Variants in RAPGEF4 observed in about 807,000 individuals in gnomAD.
RAPGEF4 encodes Rap guanine nucleotide exchange factor 4.
In RAPGEF4, 66 loss-of-function variants were observed where a neutral mutation model predicts 147.9. That is an observed-to-expected ratio of 0.45 (90% CI 0.37 to 0.55). The LOEUF is 0.55. RAPGEF4 is among the 20% of genes least tolerant of loss of function. The pLI is 0.00. For missense variants in RAPGEF4, 1,071 were observed against 1,257.3 expected (o/e 0.85, Z 2.24); for synonymous variants, 419 against 442.7 (o/e 0.95, Z 0.67).
At chr2:173,034,104 T>TA in intron 27 of RAPGEF4, 140 bp downstream of exon 27, 1 of 727,684 alleles carries the variant, frequency 1.4e-6, no homozygotes, top group Non-Finnish European at 2.2e-6. Context: ...TTAGTGCTGC[T>TA]AAAACAAGCA....
At chr2:173,051,508 T>C in intron 30 of RAPGEF4, 132 bp from the exon 31 acceptor site, 1 of 812,694 alleles carries the variant, frequency 1.2e-6, no homozygotes, top group South Asian at 3.1e-5. Context: ...GTTTCAATGA[T>C]TGTGGTGTGT....
Position 173,026,594 on chromosome 2 carries a change from G to T in RAPGEF4, c.2276G>T (p.Gly759Val). ...DSLTPLPEQE[G>V]PTVGTVGTFE... ...TAGACTCCCTTACCAGAACAGGAAG[G>T]CCCAACTGTTGGAACAGTGGGAACT... Residue 759 changes from glycine (G) to valine (V), a missense_variant, in exon 24 of 31, where the codon GGC (glycine) becomes GTC (valine). By Grantham distance (109) the Gly-to-Val change is moderately radical. Coordinates refer to ENST00000397081, the MANE Select transcript of RAPGEF4 (RefSeq NM_007023.4). The T allele has an allele frequency of 6.8e-6, 11 of 1,613,584 alleles. No homozygotes were observed. Among genetic ancestry groups the T allele is most frequent in the Non-Finnish European group, 9.3e-6 (11 of 1,179,594 alleles).
intron 23 of RAPGEF4, among the ~76,000 whole-genome samples, chr2:173,021,588 A>G (rs1295346266): frequency 6.6e-6 from 1 of 152,176 alleles, no homozygotes; most frequent in African/African-American, 2.4e-5. Context: ...ACTCTGCCTC[A>G]AAAACAAAGA....
At chr2:172,857,527 G>C (rs1693564695) in intron 4 of RAPGEF4, among the ~76,000 whole-genome samples, 1 of 152,158 alleles carries the variant, frequency 6.6e-6, no homozygotes, top group Non-Finnish European at 1.5e-5. Context: ...CTACAAAGTA[G>C]ATCTTTAGTT....
At chr2:172,878,479 G>A (rs1000675032) in intron 4 of RAPGEF4, among the ~76,000 whole-genome samples, 4 of 152,152 alleles carry the variant, frequency 2.6e-5, no homozygotes, top group Non-Finnish European at 4.4e-5. Flanking sequence ...CCAGATTGCA[G>A]TGTGTGATTA....
At chr2:172,906,163 T>C (rs1265919084) in intron 4 of RAPGEF4, among the ~76,000 whole-genome samples, 3 of 152,226 alleles carry the variant, frequency 2.0e-5, no homozygotes, top group African/African-American at 7.2e-5. Flanking sequence ...ATTATGTCAC[T>C]CTTCTAAGCT....
chr2:172,752,322 C>A (rs554225818), intron 1 of RAPGEF4, among the ~76,000 whole-genome samples: 9 of 152,330 alleles, frequency 5.9e-5, no homozygotes, highest in African/African-American at 2.2e-4. Flanking sequence ...CCAACAATTT[C>A]TCATTTGAAG....
intron 2 of RAPGEF4, 30 bp downstream of exon 2, chr2:172,795,197 C>T (rs1256622392): frequency 6.4e-7 from 1 of 1,566,034 alleles, no homozygotes. Flanking sequence ...TAGTATATTT[C>T]CATGTATGGT....
chr2:172,985,871 T>C (rs1223277272), intron 12 of RAPGEF4, among the ~76,000 whole-genome samples: 1 of 152,188 alleles, frequency 6.6e-6, no homozygotes, highest in Non-Finnish European at 1.5e-5. Context: ...AACTAATCGA[T>C]CTCTTGAGGT....
intron 1 of RAPGEF4, among the ~76,000 whole-genome samples, chr2:172,778,444 C>A (rs1684379143): frequency 6.6e-6 from 1 of 152,082 alleles, no homozygotes; most frequent in Non-Finnish European, 1.5e-5. Flanking sequence ...AAATTAAGCA[C>A]CCCCCTCCCC....
rs746105058 is a variant in RAPGEF4, at chr2:173,036,141, A to T, written c.2717A>T (p.His906Leu). Residue 906 changes from histidine to leucine, a missense_variant, in exon 28 of 31, where the codon CAC becomes CTC. Coordinates refer to ENST00000397081, the MANE Select transcript of RAPGEF4 (RefSeq NM_007023.4). ...TCTCCTAAGGACCCTTCAAGGAACC[A>T]CAGGGCCTACAGGCTGACAGTAGCT... ...FESLMDPSRN[H>L]RAYRLTVAKL... 5 of 1,611,954 alleles carry T rather than the reference A, an allele frequency of 3.1e-6. No individual in the cohort carries two copies. The highest frequency in any genetic ancestry group is 4.2e-6 in the Non-Finnish European group (5 of 1,178,312).
intron 3 of RAPGEF4, among the ~76,000 whole-genome samples, chr2:172,807,191 G>T (rs1482266568): frequency 6.6e-6 from 1 of 152,218 alleles, no homozygotes; most frequent in Non-Finnish European, 1.5e-5. Flanking sequence ...CCTGCATCCT[G>T]CATTTAGTTT....
chr2:172,850,599 C>T (rs1559075047), intron 4 of RAPGEF4, among the ~76,000 whole-genome samples: 1 of 150,672 alleles, frequency 6.6e-6, no homozygotes, highest in Non-Finnish European at 1.5e-5. Flanking sequence ...GCCTGGGCCA[C>T]AGAGCGAGAC....
At chr2:172,895,592 C>T (rs975023839) in intron 4 of RAPGEF4, among the ~76,000 whole-genome samples, 4 of 152,140 alleles carry the variant, frequency 2.6e-5, no homozygotes, top group African/African-American at 9.7e-5. Flanking sequence ...ATTTTATATA[C>T]AATATTTTAC....
intron 15 of RAPGEF4, among the ~76,000 whole-genome samples, chr2:172,992,307 A>C (rs1467310628): frequency 6.6e-6 from 1 of 152,256 alleles, no homozygotes; most frequent in African/African-American, 2.4e-5. Flanking sequence ...AAATGTTTTT[A>C]ACAGTTTTCC....
chr2:172,861,547 C>G (rs1056453063), intron 4 of RAPGEF4, among the ~76,000 whole-genome samples: 1 of 152,184 alleles, frequency 6.6e-6, no homozygotes, highest in Non-Finnish European at 1.5e-5. Context: ...AGGTGTTTGA[C>G]TGATGAAATG....
intron 10 of RAPGEF4, 144 bp from the exon 11 acceptor site, chr2:172,983,352 A>G (rs547492125): frequency 1.4e-6 from 2 of 1,434,380 alleles, no homozygotes; most frequent in South Asian, 1.5e-5. Flanking sequence ...TAGGCATTAT[A>G]CTGGTGCAAC....
At chr2:172,768,130 G>A (rs895088414) in intron 1 of RAPGEF4, among the ~76,000 whole-genome samples, 6 of 152,062 alleles carry the variant, frequency 3.9e-5, no homozygotes, top group African/African-American at 7.2e-5. Flanking sequence ...GTTTTGATGC[G>A]TGACTTTTTA....
chr2:172,755,151 TATG>T (rs1446983780), intron 1 of RAPGEF4, among the ~76,000 whole-genome samples: 1 of 152,148 alleles, frequency 6.6e-6, no homozygotes, highest in African/African-American at 2.4e-5. Context: ...CGGGCTACAT[TATG>T]GTGATGAAAG....
Sources: allele counts gnomAD v4.1 joint callset (sites outside exome capture counted in the v4.1 genomes callset), GRCh38; gene constraint gnomAD v4.1.1; transcripts MANE v1.5; gene names NCBI Gene and HGNC (gene_info 2026-07-23, HGNC 2026-07-21).